Variants in HSDL2 observed in about 807,000 individuals in gnomAD.
HSDL2 encodes hydroxysteroid dehydrogenase like 2, also known as hydroxysteroid dehydrogenase-like protein 2.
A neutral mutation model predicts 46.3 loss-of-function variants in HSDL2; 27 were observed. The observed-to-expected ratio is 0.58, with a 90% CI of 0.43 to 0.80. HSDL2 has a LOEUF of 0.80. Among genes scored for constraint, HSDL2 ranks in the 30% least tolerant of loss-of-function variants. The pLI, the probability that HSDL2 is intolerant of heterozygous loss-of-function variation, is 0.00. For missense variants in HSDL2, 451 were observed against 502.7 expected (o/e 0.90, Z 0.98); for synonymous variants, 153 against 163.6 (o/e 0.94, Z 0.50).
intron 2 of HSDL2, among the ~76,000 whole-genome samples, chr9:112,405,234 C>T (rs866359948): frequency 1.3e-5 from 2 of 152,194 alleles, no homozygotes; most frequent in Middle Eastern, 3.4e-3. Flanking sequence ...TGCCTATAGT[C>T]CCAGCTACTT....
chr9:112,431,396 G>T (rs1456882480), intron 6 of HSDL2, among the ~76,000 whole-genome samples: 17 of 152,182 alleles, frequency 1.1e-4, no homozygotes. Context: ...GAAAGGTTGG[G>T]AAGAAGAGGA....
chr9:112,429,619 T>C (rs1832339408), intron 6 of HSDL2, among the ~76,000 whole-genome samples: 2 of 152,322 alleles, frequency 1.3e-5, no homozygotes, highest in Middle Eastern at 3.4e-3. Context: ...AAAAGAGATA[T>C]CAATCGCTGT....
intron 8 of HSDL2, among the ~76,000 whole-genome samples, chr9:112,442,714 T>TTTTA (rs573750838): frequency 1.3e-5 from 2 of 152,280 alleles, no homozygotes; most frequent in African/African-American, 4.8e-5. Context: ...CTTACCTTAT[T>TTTTA]TTTATCTTAT....
At chr9:112,459,183 T>G (rs538962361) in intron 9 of HSDL2, among the ~76,000 whole-genome samples, 1 of 152,294 alleles carries the variant, frequency 6.6e-6, no homozygotes, top group South Asian at 2.1e-4. Flanking sequence ...CCTCTGGTTA[T>G]CTTGATTCCT....
intron 6 of HSDL2, among the ~76,000 whole-genome samples, chr9:112,437,731 T>G (rs1832558516): frequency 6.6e-6 from 1 of 152,232 alleles, no homozygotes. Context: ...TGGTACTGTC[T>G]GTTTTCAGGC....
At chr9:112,404,211 T>C (rs1307653800) in intron 2 of HSDL2, 53 bp downstream of exon 2, 21 of 1,543,176 alleles carry the variant, frequency 1.4e-5, no homozygotes, top group Non-Finnish European at 1.9e-5. Flanking sequence ...TTTCAATACA[T>C]AGAGAATTTG....
intron 8 of HSDL2, among the ~76,000 whole-genome samples, chr9:112,452,286 G>T (rs1296070439): frequency 6.6e-6 from 1 of 152,148 alleles, no homozygotes; most frequent in African/African-American, 2.4e-5. Context: ...AACCTTTGAG[G>T]AATTGTATTA....
chr9:112,451,426 T>C (rs943714332), intron 8 of HSDL2, among the ~76,000 whole-genome samples: 4 of 152,218 alleles, frequency 2.6e-5, no homozygotes, highest in South Asian at 4.1e-4. Flanking sequence ...GAAGACGAAC[T>C]GTTGGCCACA....
intron 8 of HSDL2, among the ~76,000 whole-genome samples, chr9:112,450,727 C>T (rs1832866430): frequency 6.6e-6 from 1 of 151,528 alleles, no homozygotes; most frequent in African/African-American, 2.4e-5. Context: ...TTCCTTTCAA[C>T]CACTTTTTTT....
At chr9:112,439,927 C>G (rs956393690) in intron 7 of HSDL2, among the ~76,000 whole-genome samples, 3 of 152,194 alleles carry the variant, frequency 2.0e-5, no homozygotes, top group African/African-American at 7.2e-5. Context: ...ACATTTCATA[C>G]AAGATTTTTG....
intron 9 of HSDL2, among the ~76,000 whole-genome samples, chr9:112,455,581 G>A (rs1832999296): frequency 6.6e-6 from 1 of 152,222 alleles, no homozygotes; most frequent in South Asian, 2.1e-4. Context: ...CACCACCTGG[G>A]TGGATCTGTA....
At chr9:112,424,526 T>C (rs1832204844) in intron 6 of HSDL2, among the ~76,000 whole-genome samples, 1 of 152,032 alleles carries the variant, frequency 6.6e-6, no homozygotes, top group African/African-American at 2.4e-5. Flanking sequence ...TTTTTCTTGC[T>C]TTACTGCACT....
At chr9:112,432,812 G>C (rs1022114264) in intron 6 of HSDL2, among the ~76,000 whole-genome samples, 1 of 152,146 alleles carries the variant, frequency 6.6e-6, no homozygotes, top group Non-Finnish European at 1.5e-5. Context: ...CTGTCACCCA[G>C]GCTGGAATGC....
chr9:112,442,553 A>T (rs1169877950), intron 8 of HSDL2, among the ~76,000 whole-genome samples: 1 of 152,210 alleles, frequency 6.6e-6, no homozygotes, highest in African/African-American at 2.4e-5. Context: ...CATAAACAAT[A>T]GTGCCCTTGA....
At chr9:112,423,411 G>A (rs935424908) in intron 6 of HSDL2, among the ~76,000 whole-genome samples, 10 of 151,246 alleles carry the variant, frequency 6.6e-5, no homozygotes, top group Non-Finnish European at 1.3e-4. Flanking sequence ...GCATAATCTC[G>A]GCTCACTGCA....
chr9:112,409,064 T>C (rs1831800982), intron 4 of HSDL2, 43 bp downstream of exon 4: 2 of 1,103,656 alleles, frequency 1.8e-6, no homozygotes, highest in Non-Finnish European at 2.8e-6. Flanking sequence ...GTTGCGGTGT[T>C]TCTCAGGGAA....
chr9:112,387,087 G>C (rs1831234083), intron 1 of HSDL2, among the ~76,000 whole-genome samples: 1 of 152,146 alleles, frequency 6.6e-6, no homozygotes, highest in Non-Finnish European at 1.5e-5. Context: ...GATATTGAGT[G>C]ATATTGAGAA....
At chr9:112,414,102 T>C (rs920099398) in intron 4 of HSDL2, 2 of 162,318 alleles carry the variant, frequency 1.2e-5, no homozygotes, top group Non-Finnish European at 2.6e-5. Context: ...GACCAGTATA[T>C]GCATGCCAGG....
chr9:112,428,042 G>A (rs62569991), intron 6 of HSDL2, among the ~76,000 whole-genome samples: 19,648 of 152,180 alleles, frequency 0.13, 1,741 homozygotes, highest in East Asian at 0.19. Flanking sequence ...AACATATCCA[G>A]AGTTGCTTCC....
Sources: gnomAD v4.1 joint callset for allele counts (sites outside exome capture counted in the v4.1 genomes callset) on GRCh38, gnomAD v4.1.1 for gene constraint, MANE v1.5 for transcripts, NCBI Gene and HGNC (gene_info 2026-07-23, HGNC 2026-07-21) for gene names.